The following ELAVL3 variants were observed in gnomAD, a reference collection of about 807,000 sequenced individuals.
ELAVL3 encodes ELAV-like protein 3.
In ELAVL3, 8 loss-of-function variants were observed where a neutral mutation model predicts 34.2. The ratio of observed to expected loss-of-function variants is 0.23; its 90% CI spans 0.14 to 0.42. The LOEUF is 0.42. Ranked by LOEUF, ELAVL3 falls within the 10% of genes least tolerant of loss-of-function variation. The pLI is 1.00. For synonymous variants in ELAVL3, 209 were observed against 222.1 expected (o/e 0.94, Z 0.53); for missense variants, 273 against 518.8 (o/e 0.53, Z 4.60).
intron 1 of ELAVL3, among the ~76,000 whole-genome samples, chr19:11,478,821 C>T (rs1374047438): frequency 1.3e-5 from 2 of 152,164 alleles, no homozygotes; most frequent in Non-Finnish European, 2.9e-5. Flanking sequence ...CCCCCAGCTG[C>T]GGCCCCTGGC....
intron 1 of ELAVL3, among the ~76,000 whole-genome samples, chr19:11,473,728 GGGATT>G (rs1971211492): frequency 6.6e-6 from 1 of 152,184 alleles, no homozygotes; most frequent in African/African-American, 2.4e-5. Context: ...TGGTGGAACA[GGGATT>G]TGCATATGAG....
In ELAVL3 at chr19:11,466,970, G is replaced by A; in HGVS notation, c.10-143C>T. On this transcript the variant is annotated intron_variant, in intron 1 of 6. Transcript: ENST00000359227. This position sits in a 1 kb window ranked among gnomAD's most constrained non-coding sequence, Gnocchi z 5.0. ...GGGTCACTTTATTATTCTAATGATG[G>A]GAATAATGATGGGATTCCATATATT... The A allele has an allele frequency of 1.5e-6, 1 of 647,594 alleles. No homozygotes were observed. Among genetic ancestry groups the A allele is most frequent in the Non-Finnish European group, 2.6e-6 (1 of 378,796 alleles). The allele number at this position is 647,594 out of a possible 1,614,324, so 40.1% of individuals were successfully genotyped here.
chr19:11,457,826 GA>G (rs756357211), intron 5 of ELAVL3, among the ~76,000 whole-genome samples: 1 of 152,246 alleles, frequency 6.6e-6, no homozygotes, highest in Non-Finnish European at 1.5e-5. Context: ...ACCAGAGCTG[GA>G]ACCCAGATGA....
At chr19:11,477,263 G>T (rs929503075) in intron 1 of ELAVL3, among the ~76,000 whole-genome samples, 3 of 152,062 alleles carry the variant, frequency 2.0e-5, no homozygotes, top group African/African-American at 7.2e-5. Context: ...TTTGCATCCT[G>T]GTTCATTAAG....
chr19:11,466,534 C>A lies in ELAVL3; in HGVS notation c.229+74G>T. On this transcript the variant is annotated intron_variant, in intron 2 of 6. Transcript: ENST00000359227. The surrounding 1 kb of genome is among the most constrained non-coding windows in gnomAD (Gnocchi z 5.0). The stretch of plus-strand genomic sequence containing the variant: ...ACCCCCGAGACACCTCAGCAAGGGT[C>A]CCACCTGCCCCCATCACCTCTGTAT... 6.5e-7 allele frequency: 1 copy of A among 1,536,454 alleles called. No homozygotes were observed. Among genetic ancestry groups the A allele is most frequent in the South Asian group, 1.1e-5 (1 of 87,282 alleles).
chr19:11,456,858 T>A (rs545208817), intron 6 of ELAVL3, among the ~76,000 whole-genome samples: 2 of 152,168 alleles, frequency 1.3e-5, no homozygotes. Flanking sequence ...TAGAGAAGGA[T>A]CTCACTATGT....
At position 11,460,322 on chromosome 19, in the gene ELAVL3, C is replaced by T. The variant is rs1970856576; in HGVS notation, c.334-1711G>A. 2.0e-5 allele frequency among the ~76,000 whole-genome samples: 3 copies of T among 152,004 alleles called. No homozygotes were observed. The South Asian group carries it at 6.2e-4, about 32-fold the overall frequency. On this transcript the variant is annotated intron_variant, in intron 3 of 6. Coordinates refer to ENST00000359227, the MANE Select transcript of ELAVL3 (RefSeq NM_001420.4). ...TGATCACCTGGACCAGTGCAGCAGC[C>T]TCCACCCTGGCCCCCCCTGCTCCCA...
rs989959748 is a variant in ELAVL3 at position 11,466,358 on chromosome 19, C to G, written c.230-83G>C. On this transcript the variant is annotated intron_variant, in intron 2 of 6. Transcript: ENST00000359227. The surrounding 1 kb of genome is among the most constrained non-coding windows in gnomAD (Gnocchi z 5.0). ...CCACCTCAGGCCTGAGAGACTGTCCCCTCCCCACCAAGTTTCCACCTTCCT... is the reference window on the plus strand; with the variant it reads ...CCACCTCAGGCCTGAGAGACTGTCCGCTCCCCACCAAGTTTCCACCTTCCT... 3 of 1,329,682 alleles carry G rather than the reference C, an allele frequency of 2.3e-6. No homozygotes were observed. Among genetic ancestry groups the G allele is most frequent in the Non-Finnish European group, 3.2e-6 (3 of 928,762 alleles). 82.4% of individuals were successfully genotyped at this position (1,329,682 alleles called of 1,614,324 possible). A position where few individuals can be genotyped will look rare whatever the true frequency, so the allele number is the denominator to read the frequency against.
chr19:11,465,012 CAT>C (rs1971004413), intron 3 of ELAVL3, among the ~76,000 whole-genome samples: 1 of 120,166 alleles, frequency 8.3e-6, no homozygotes, highest in Non-Finnish European at 1.7e-5. Flanking sequence ...CACACACATA[CAT>C]ACACATACAC....
At chr19:11,459,507 T>G (rs1599531863) in intron 3 of ELAVL3, among the ~76,000 whole-genome samples, 1 of 151,982 alleles carries the variant, frequency 6.6e-6, no homozygotes, top group Non-Finnish European at 1.5e-5. Context: ...GATCTCATGA[T>G]CCGCCCGCCT....
At position 11,480,347 on chromosome 19, in the gene ELAVL3, C is replaced by T. The variant is rs1324286479; in HGVS notation, c.9+253G>A. The T allele has an allele frequency of 1.2e-5, 5 of 406,576 alleles. No individual in the cohort carries two copies. Among genetic ancestry groups the T allele is most frequent in the Non-Finnish European group, 1.3e-5 (3 of 231,350 alleles). 25.2% of individuals were successfully genotyped at this position (406,576 alleles called of 1,614,324 possible). A position where few individuals can be genotyped will look rare whatever the true frequency, so the allele number is the denominator to read the frequency against. On this transcript the variant is annotated intron_variant, in intron 1 of 6. Coordinates refer to ENST00000359227, the MANE Select transcript of ELAVL3 (RefSeq NM_001420.4). This position sits in a 1 kb window ranked among gnomAD's most constrained non-coding sequence, Gnocchi z 6.8. ...TGCTGGAGAGGGGGCAATCCCGCCT[C>T]CAGGGCGGCGTCGGACGCCTCCCGA...
rs1455497619 is a variant in ELAVL3, at chr19:11,454,300, G to A, written c.*226C>T. ...GAGTGAACAGCCCAGCCTGGGGTGG[G>A]GGCAGGAGGATGGGGCGGGGGATCC... is the stretch of plus-strand genomic sequence containing the variant. On this transcript the variant is annotated 3_prime_UTR_variant, in exon 7 of 7. Coordinates refer to ENST00000359227, the MANE Select transcript of ELAVL3 (RefSeq NM_001420.4). This position sits in a 1 kb window ranked among gnomAD's most constrained non-coding sequence, Gnocchi z 9.2. 24 of 555,954 alleles carry A rather than the reference G, an allele frequency of 4.3e-5. No individual in the cohort carries two copies. In the South Asian group the frequency reaches 4.7e-4, roughly 11 times the overall value. The allele number at this position is 555,954 out of a possible 1,614,324, so 34.4% of individuals were successfully genotyped here.
rs1971050783 is a variant in ELAVL3, at chr19:11,466,280, G to A, written c.230-5C>T. On this transcript the variant is annotated splice_polypyrimidine_tract_variant and splice_region_variant and intron_variant, in intron 2 of 6. Coordinates refer to ENST00000359227, the MANE Select transcript of ELAVL3 (RefSeq NM_001420.4). This position sits in a 1 kb window ranked among gnomAD's most constrained non-coding sequence, Gnocchi z 5.0. The stretch of plus-strand genomic sequence containing the variant: ...ACCCGTAGCCAAGGCTCTGCCCTGT[G>A]GGCAGAACCAGAATGATGACCTTCC... 4 of 1,613,320 alleles carry A rather than the reference G, an allele frequency of 2.5e-6. No individual in the cohort carries two copies. In the African/African-American group the frequency reaches 5.3e-5, roughly 22 times the overall value.
chr19:11,478,017 C>A lies in ELAVL3; in HGVS notation c.9+2583G>T, dbSNP rs141661974. On this transcript the variant is annotated intron_variant, in intron 1 of 6. Coordinates refer to ENST00000359227, the MANE Select transcript of ELAVL3 (RefSeq NM_001420.4). The stretch of plus-strand genomic sequence containing the variant: ...ATTTTTGAACTCCACTGAGCATGTG[C>A]AAAGTTTTCATTGACCTCCCACAAC... Among the ~76,000 whole-genome samples, 303 of 152,244 alleles carry A rather than the reference C, an allele frequency of 2.0e-3. 2 individuals carry two copies. Among genetic ancestry groups the A allele is most frequent in the African/African-American group, 6.6e-3 (275 of 41,566 alleles).
At chr19:11,462,957 G>A (rs311774) in intron 3 of ELAVL3, among the ~76,000 whole-genome samples, 12,259 of 133,990 alleles carry the variant, frequency 0.091, 781 homozygotes, top group African/African-American at 0.2. Flanking sequence ...GTGAGACTCC[G>A]TCTCAAAAAA....
chr19:11,468,735 T>C (rs1473641547), intron 1 of ELAVL3, among the ~76,000 whole-genome samples: 1 of 152,178 alleles, frequency 6.6e-6, no homozygotes, highest in East Asian at 1.9e-4. Context: ...CCTTTATTCC[T>C]GCTGTTAAGG....
rs1359269915 is a variant in ELAVL3 at position 11,451,364 on chromosome 19, C to A, written c.*3162G>T. ...CTTTTATTTTCTGGCATGAAAAGTA[C>A]AAATAATTAAACAATTCCATGTAAA... On this transcript the variant is annotated 3_prime_UTR_variant, in exon 7 of 7. Transcript: ENST00000359227. 1 of 151,218 alleles carries A rather than the reference C, an allele frequency of 6.6e-6. No homozygotes were observed. The highest frequency in any genetic ancestry group is 1.5e-5 in the Non-Finnish European group (1 of 67,884). The allele number at this position is 151,218 out of a possible 1,614,324, so 9.4% of individuals were successfully genotyped here. A position where few individuals can be genotyped will look rare whatever the true frequency, so the allele number is the denominator to read the frequency against.
chr19:11,480,223 A>C lies in ELAVL3; in HGVS notation c.9+377T>G. The C allele has an allele frequency of 4.5e-6, 1 of 222,280 alleles. No homozygotes were observed. Among genetic ancestry groups the C allele is most frequent in the Non-Finnish European group, 8.8e-6 (1 of 113,792 alleles). 13.8% of individuals were successfully genotyped at this position (222,280 alleles called of 1,614,324 possible). The stretch of plus-strand genomic sequence containing the variant: ...CTTTGTCGCTTTGGCTTGGCCCAGC[A>C]CCAGTGATCGGGCCCTGCGTTTGCC... On this transcript the variant is annotated intron_variant, in intron 1 of 6. Coordinates refer to ENST00000359227, the MANE Select transcript of ELAVL3 (RefSeq NM_001420.4). The surrounding 1 kb of genome is among the most constrained non-coding windows in gnomAD (Gnocchi z 6.8).
chr19:11,462,792 C>G (rs1274623558), intron 3 of ELAVL3, among the ~76,000 whole-genome samples: 12 of 150,416 alleles, frequency 8.0e-5, no homozygotes, highest in Non-Finnish European at 1.8e-4. Flanking sequence ...AACCCCGTCT[C>G]TACTAAAAAA....
Sources: gnomAD v4.1 joint callset for allele counts (sites outside exome capture counted in the v4.1 genomes callset) on GRCh38, gnomAD v4.1.1 for gene constraint, Gnocchi (gnomAD v3.1) non-coding constraint, MANE v1.5 for transcripts, NCBI Gene and HGNC (gene_info 2026-07-23, HGNC 2026-07-21) for gene names.